The following STXBP4 variants were observed in gnomAD, a reference collection of about 807,000 sequenced individuals.
STXBP4 encodes syntaxin-binding protein 4.
STXBP4 carries 55 observed loss-of-function variants against 76.1 expected under a neutral mutation model. The observed-to-expected ratio is 0.72, with a 90% CI of 0.58 to 0.91. The LOEUF (loss-of-function observed/expected upper bound fraction) is 0.91. Ranked by LOEUF, STXBP4 falls within the 40% of genes least tolerant of loss-of-function variation. The pLI, the probability that STXBP4 is intolerant of heterozygous loss-of-function variation, is 0.00. For synonymous variants in STXBP4, 201 were observed against 220.2 expected, an observed-to-expected ratio of 0.91 and a Z score of 0.77; for missense variants, 618 against 636.9, an observed-to-expected ratio of 0.97 and a Z score of 0.32.
chr17:54,995,578 G>A (rs1409526913), intron 4 of STXBP4, among the ~76,000 whole-genome samples: 1 of 152,118 alleles, frequency 6.6e-6, no homozygotes, highest in Non-Finnish European at 1.5e-5. Flanking sequence ...GAAATTATAG[G>A]TCTCACAGTC....
At chr17:55,102,405 C>T (rs767315593) in intron 16 of STXBP4, among the ~76,000 whole-genome samples, 15 of 152,110 alleles carry the variant, frequency 9.9e-5, no homozygotes, top group Non-Finnish European at 1.8e-4. Flanking sequence ...TGTTAGTTTG[C>T]TGAGAATGAT....
chr17:55,185,287 C>T, the STXBP4 span, among the ~76,000 whole-genome samples: 124 of 108,186 alleles, frequency 1.1e-3, no homozygotes, highest in Middle Eastern at 4.7e-3. Flanking sequence ...TTCTCCTTCT[C>T]CTTCTCCTTC....
chr17:54,992,230 G>A (rs1360845503), intron 4 of STXBP4, among the ~76,000 whole-genome samples: 3 of 151,718 alleles, frequency 2.0e-5, no homozygotes, highest in South Asian at 2.1e-4. Context: ...CCTGGGCAAC[G>A]TAGAGAGACT....
At chr17:55,187,671 C>T in the STXBP4 span, among the ~76,000 whole-genome samples, 2 of 152,178 alleles carry the variant, frequency 1.3e-5, no homozygotes, top group African/African-American at 2.4e-5. Context: ...GAATTTCCCC[C>T]CAGGGAGGCT....
chr17:55,193,949 A>G, the STXBP4 span, among the ~76,000 whole-genome samples: 3 of 152,120 alleles, frequency 2.0e-5, no homozygotes, highest in Non-Finnish European at 4.4e-5. Flanking sequence ...TCTCAGTTAG[A>G]GAAATCTAGG....
chr17:55,021,429 G>GA lies in STXBP4; in HGVS notation c.667-9738dup, dbSNP rs1394402888. Among the ~76,000 whole-genome samples, 43 of 152,212 alleles carry GA rather than the reference G, an allele frequency of 2.8e-4. 1 individual carries two copies. The highest frequency in any genetic ancestry group is 6.8e-3 in the Middle Eastern group (2 of 294). ...GTCCCAGCTTCTTGGGAGGCTGAGG[G>GA]AGGAGGATCCCTTGAGCCCAGGAGT... On this transcript the variant is annotated intron_variant, in intron 8 of 17. Coordinates refer to ENST00000376352, the MANE Select transcript of STXBP4 (RefSeq NM_178509.6).
rs75671931 is a variant in STXBP4 at position 54,985,361 on chromosome 17, A to G, written c.-156-253A>G. 3.3e-3 allele frequency among the ~76,000 whole-genome samples: 502 copies of G among 152,200 alleles called. 10 individuals carry two copies. Among genetic ancestry groups the G allele is most frequent in the East Asian group, 6.2e-3 (32 of 5,178 alleles). On this transcript the variant is annotated intron_variant, in intron 1 of 17. Coordinates refer to ENST00000376352, the MANE Select transcript of STXBP4 (RefSeq NM_178509.6). ...CAACAACAACAACAACAAAAACACT[A>G]TTTTTCATTTGTGAGGGAAAACCAC... is the stretch of plus-strand genomic sequence containing the variant.
rs919869755 is a variant in STXBP4, at chr17:55,168,481, T to C, written c.*8570T>C. ...TATTCCCAATTAGTATTTCATCAGTTATAAGACCCATCATTATTTTGTGTG... is the reference window on the plus strand; with the variant it reads ...TATTCCCAATTAGTATTTCATCAGTCATAAGACCCATCATTATTTTGTGTG... On this transcript the variant is annotated 3_prime_UTR_variant, in exon 18 of 18. Coordinates refer to ENST00000376352, the MANE Select transcript of STXBP4 (RefSeq NM_178509.6). The C allele has an allele frequency of 6.6e-6, 1 of 152,112 alleles. No homozygotes were observed. The highest frequency in any genetic ancestry group is 1.5e-5 in the Non-Finnish European group (1 of 68,000). 9.4% of individuals were successfully genotyped at this position (152,112 alleles called of 1,614,324 possible).
intron 9 of STXBP4, among the ~76,000 whole-genome samples, chr17:55,031,809 A>T (rs916080988): frequency 6.6e-6 from 1 of 152,136 alleles, no homozygotes; most frequent in African/African-American, 2.4e-5. Flanking sequence ...CCAACCTGCA[A>T]ATACTGTATT....
At chr17:55,175,184 C>T (rs1286463035), downstream of STXBP4, among the ~76,000 whole-genome samples, 2 of 152,198 alleles carry the variant, frequency 1.3e-5, no homozygotes, top group East Asian at 3.8e-4. Flanking sequence ...TTTGAGAACA[C>T]TGCAGAGTAG....
intron 12 of STXBP4, among the ~76,000 whole-genome samples, chr17:55,051,497 A>G (rs1022797360): frequency 6.6e-6 from 1 of 152,118 alleles, no homozygotes; most frequent in African/African-American, 2.4e-5. Context: ...CAGTTCTGAA[A>G]CAATTTTAGA....
Position 55,162,861 on chromosome 17 carries a change from C to T in STXBP4, c.*2950C>T, listed in dbSNP as rs768174384. 2.0e-5 allele frequency: 3 copies of T among 152,194 alleles called. No individual in the cohort carries two copies. The highest frequency in any genetic ancestry group is 4.4e-5 in the Non-Finnish European group (3 of 68,044). 9.4% of individuals were successfully genotyped at this position (152,194 alleles called of 1,614,324 possible). On this transcript the variant is annotated 3_prime_UTR_variant, in exon 18 of 18. Transcript: ENST00000376352. ...ATTAATCTTTTATTTCAAATGTCTA[C>T]ATAAAATATCACTACCCACATAACC...
intron 16 of STXBP4, among the ~76,000 whole-genome samples, chr17:55,097,393 G>A (rs184690090): frequency 1.3e-5 from 2 of 152,126 alleles, no homozygotes; most frequent in African/African-American, 4.8e-5. Flanking sequence ...ACCGGGCGCG[G>A]TGGCTCATGC....
the STXBP4 span, among the ~76,000 whole-genome samples, chr17:55,185,254 TCTC>T: frequency 2.4e-3 from 120 of 50,506 alleles, 2 homozygotes; most frequent in African/African-American, 0.011. Flanking sequence ...TTCTTCTCCT[TCTC>T]CTTCTCCTTC....
intron 10 of STXBP4, among the ~76,000 whole-genome samples, chr17:55,042,882 T>G (rs2078727457): frequency 6.6e-6 from 1 of 152,154 alleles, no homozygotes; most frequent in South Asian, 2.1e-4. Context: ...ACCATGCTAT[T>G]AGAATGAATG....
intron 10 of STXBP4, among the ~76,000 whole-genome samples, chr17:55,037,828 G>T (rs1028410882): frequency 9.9e-5 from 15 of 152,128 alleles, no homozygotes; most frequent in African/African-American, 3.4e-4. Context: ...TTCACGATTC[G>T]CTAATGGGTG....
intron 16 of STXBP4, among the ~76,000 whole-genome samples, chr17:55,137,248 A>C (rs1291481936): frequency 6.6e-6 from 1 of 151,608 alleles, no homozygotes; most frequent in Non-Finnish European, 1.5e-5. Flanking sequence ...TGTGAGTTAG[A>C]GATATCTCCC....
chr17:55,083,977 G>A (rs1207191966), intron 16 of STXBP4, among the ~76,000 whole-genome samples: 2 of 152,120 alleles, frequency 1.3e-5, no homozygotes, highest in African/African-American at 4.8e-5. Context: ...TATTATTGTG[G>A]CCATCTTTGG....
chr17:54,985,965 G>A (rs1180634638), intron 2 of STXBP4, among the ~76,000 whole-genome samples, 177 bp from the exon 3 acceptor site: 4 of 151,884 alleles, frequency 2.6e-5, no homozygotes, highest in Non-Finnish European at 2.9e-5. Context: ...TACACTTCTC[G>A]GATGTTATTG....
Sources: allele counts gnomAD v4.1 joint callset (sites outside exome capture counted in the v4.1 genomes callset), GRCh38; gene constraint gnomAD v4.1.1; transcripts MANE v1.5; gene names NCBI Gene and HGNC (gene_info 2026-07-23, HGNC 2026-07-21).